Variants in CAPZA1 observed in about 807,000 individuals in gnomAD.
The protein encoded by CAPZA1 is F-actin-capping protein subunit alpha-1.
A neutral mutation model predicts 40.8 loss-of-function variants in CAPZA1; 10 were observed. That is an observed-to-expected ratio of 0.25 (90% CI 0.15 to 0.42). The LOEUF (loss-of-function observed/expected upper bound fraction) is 0.42. Among genes scored for constraint, CAPZA1 ranks in the 10% least tolerant of loss-of-function variants. CAPZA1 has a pLI of 1.00. For synonymous variants in CAPZA1, 98 were observed against 115.0 expected (o/e 0.85, Z 0.95); for missense variants, 277 against 353.8 (o/e 0.78, Z 1.74).
intron 1 of CAPZA1, among the ~76,000 whole-genome samples, chr1:112,633,879 A>G (rs1324966728): frequency 2.0e-5 from 3 of 152,104 alleles, no homozygotes; most frequent in Non-Finnish European, 4.4e-5. Flanking sequence ...GCCCATTTGT[A>G]TATCTTTGAG....
chr1:112,664,971 G>A (rs947380499), intron 7 of CAPZA1, among the ~76,000 whole-genome samples: 5 of 152,216 alleles, frequency 3.3e-5, no homozygotes, highest in Non-Finnish European at 7.4e-5. Flanking sequence ...ATAAGTAATA[G>A]TGAAGTGTTT....
chr1:112,656,055 A>G (rs990750855), intron 5 of CAPZA1, among the ~76,000 whole-genome samples: 4 of 152,354 alleles, frequency 2.6e-5, no homozygotes, highest in Middle Eastern at 3.4e-3. Context: ...TATTGAGCTA[A>G]TAACATGGAT....
At chr1:112,641,394 T>TA (rs1335719302) in intron 1 of CAPZA1, among the ~76,000 whole-genome samples, 1 of 152,152 alleles carries the variant, frequency 6.6e-6, no homozygotes, top group Non-Finnish European at 1.5e-5. Context: ...TACATAGGTG[T>TA]AAATATATAT....
At chr1:112,644,506 C>G (rs1570712993) in intron 1 of CAPZA1, among the ~76,000 whole-genome samples, 2 of 152,042 alleles carry the variant, frequency 1.3e-5, no homozygotes, top group Non-Finnish European at 2.9e-5. Flanking sequence ...GCTTTGTATT[C>G]AAGAGACTCT....
chr1:112,669,246 G>GT (rs1168454736), intron 8 of CAPZA1, among the ~76,000 whole-genome samples: 3 of 152,146 alleles, frequency 2.0e-5, no homozygotes, highest in Non-Finnish European at 1.5e-5. Context: ...AACAGCATGG[G>GT]TTTTTTTGGT....
At chr1:112,659,890 T>G (rs1308227993) in intron 7 of CAPZA1, 111 bp downstream of exon 7, 1 of 740,060 alleles carries the variant, frequency 1.4e-6, no homozygotes, top group Non-Finnish European at 2.3e-6. Context: ...GGGAGACTGA[T>G]GGCAGTGAAT....
chr1:112,661,526 G>T (rs1377575865), intron 7 of CAPZA1, among the ~76,000 whole-genome samples: 3 of 152,110 alleles, frequency 2.0e-5, no homozygotes, highest in Non-Finnish European at 1.5e-5. Context: ...TTGTCTTGGG[G>T]TCTCCTTCTG....
chr1:112,653,793 C>G, intron 4 of CAPZA1, 132 bp downstream of exon 4: 1 of 625,520 alleles, frequency 1.6e-6, no homozygotes, highest in East Asian at 2.9e-5. Flanking sequence ...GTGTACTGTA[C>G]GTGTTAGGAT....
chr1:112,640,822 C>G (rs1570710065), intron 1 of CAPZA1, among the ~76,000 whole-genome samples: 2 of 152,170 alleles, frequency 1.3e-5, no homozygotes, highest in East Asian at 1.9e-4. Flanking sequence ...GGATGGTTGC[C>G]GTGTCTGTGT....
chr1:112,659,435 G>T lies in CAPZA1; in HGVS notation c.507-266G>T, dbSNP rs1355880080. On this transcript the variant is annotated intron_variant, in intron 6 of 9. Coordinates refer to ENST00000263168, the MANE Select transcript of CAPZA1 (RefSeq NM_006135.3). Reference sequence around the variant, plus strand: ...GAAGAGCCTCCCATGAGCAGAATAGGCATGGTTTTCCATTTCAAGGGAAAA... The same window carrying T: ...GAAGAGCCTCCCATGAGCAGAATAGTCATGGTTTTCCATTTCAAGGGAAAA... The T allele has an allele frequency of 9.3e-6, 5 of 539,822 alleles. No individual in the cohort carries two copies. In the East Asian group the frequency reaches 1.5e-4, roughly 16 times the overall value. 33.4% of individuals were successfully genotyped at this position (539,822 alleles called of 1,614,324 possible). A position where few individuals can be genotyped will look rare whatever the true frequency, so the allele number is the denominator to read the frequency against.
chr1:112,668,828 A>G (rs906624566), intron 8 of CAPZA1, among the ~76,000 whole-genome samples: 1 of 152,222 alleles, frequency 6.6e-6, no homozygotes, highest in Non-Finnish European at 1.5e-5. Flanking sequence ...ATCACACATC[A>G]TGTAGTTTCT....
Position 112,653,581 on chromosome 1 carries a change from C to CT in CAPZA1, c.156-13dup, listed in dbSNP as rs763435391. ...TCTTTTTTTTTTTTTTTTTAAAAAA[C>CT]TTTTAAAAAAAAACAGTGCATTTGC... On this transcript the variant is annotated splice_polypyrimidine_tract_variant and intron_variant, in intron 3 of 9. Transcript: ENST00000263168. The CT allele has an allele frequency of 3.3e-6, 3 of 907,710 alleles. No homozygotes were observed. Among genetic ancestry groups the CT allele is most frequent in the East Asian group, 3.4e-5 (1 of 29,040 alleles). 56.2% of individuals were successfully genotyped at this position (907,710 alleles called of 1,614,324 possible). A position where few individuals can be genotyped will look rare whatever the true frequency, so the allele number is the denominator to read the frequency against.
chr1:112,636,657 A>G (rs905285203), intron 1 of CAPZA1, among the ~76,000 whole-genome samples: 27 of 152,092 alleles, frequency 1.8e-4, no homozygotes, highest in Admixed American at 1.7e-3. Context: ...TTTTTGTTCA[A>G]CTAAAACCTT....
intron 1 of CAPZA1, among the ~76,000 whole-genome samples, chr1:112,641,079 C>G (rs1287950701): frequency 6.7e-6 from 1 of 150,078 alleles, no homozygotes; most frequent in African/African-American, 2.5e-5. Context: ...GGGACACAAA[C>G]GCTGCGGAAG....
At chr1:112,662,395 C>CTTTTTTTT (rs35100851) in intron 7 of CAPZA1, among the ~76,000 whole-genome samples, 29 of 97,260 alleles carry the variant, frequency 3.0e-4, no homozygotes, top group South Asian at 3.4e-4. Context: ...TAGAATTTTT[C>CTTTTTTTT]TTTTTTTTTT....
chr1:112,639,864 T>A (rs1570708613), intron 1 of CAPZA1, among the ~76,000 whole-genome samples: 1 of 82,934 alleles, frequency 1.2e-5, no homozygotes, highest in African/African-American at 4.5e-5. Flanking sequence ...GGGAGGGAGG[T>A]GGGGGGGTCA....
intron 7 of CAPZA1, 84 bp downstream of exon 7, chr1:112,659,863 G>A (rs879147654): frequency 1.0e-6 from 1 of 996,216 alleles, no homozygotes; most frequent in South Asian, 1.4e-5. Flanking sequence ...TAAGGACCAA[G>A]TATGTGTAGA....
At chr1:112,627,186 A>G (rs995482560) in intron 1 of CAPZA1, among the ~76,000 whole-genome samples, 2 of 152,224 alleles carry the variant, frequency 1.3e-5, no homozygotes, top group African/African-American at 4.8e-5. Flanking sequence ...GTCAGAGCCT[A>G]TGCTCTTACC....
intron 5 of CAPZA1, 95 bp downstream of exon 5, chr1:112,654,766 C>T: frequency 4.0e-6 from 3 of 750,490 alleles, no homozygotes; most frequent in East Asian, 5.0e-5. Context: ...CTACTTTCTT[C>T]TTAGCCATGC....
Sources: gnomAD v4.1 joint callset for allele counts (sites outside exome capture counted in the v4.1 genomes callset) on GRCh38, gnomAD v4.1.1 for gene constraint, MANE v1.5 for transcripts, NCBI Gene and HGNC (gene_info 2026-07-23, HGNC 2026-07-21) for gene names.